The following LMO2 variants were observed in gnomAD, a reference collection of about 807,000 sequenced individuals.
LMO2 encodes the protein LIM domain only 2, also known as rhombotin-2.
Under a neutral mutation model 23.2 loss-of-function variants are expected in LMO2, and 20 were observed. The ratio of observed to expected loss-of-function variants is 0.86; its 90% CI spans 0.61 to 1.25. The LOEUF is 1.25. Among genes scored for constraint, LMO2 ranks in the 50% most tolerant of loss-of-function variants. The probability of loss-of-function intolerance (pLI) is 0.00; values close to 1 mark genes in which losing one functional copy is unlikely to be tolerated. For synonymous variants in LMO2, 123 were observed against 130.2 expected (o/e 0.94, Z 0.38); for missense variants, 270 against 315.3 (o/e 0.86, Z 1.09).
intron 2 of LMO2, among the ~76,000 whole-genome samples, chr11:33,874,829 A>G (rs1418415977): frequency 6.6e-6 from 1 of 152,226 alleles, no homozygotes; most frequent in Non-Finnish European, 1.5e-5. Flanking sequence ...CCCTGATTTC[A>G]TCTGATTTTC....
chr11:33,879,615 G>A (rs1284810413), intron 2 of LMO2, among the ~76,000 whole-genome samples: 1 of 152,040 alleles, frequency 6.6e-6, no homozygotes, highest in Non-Finnish European at 1.5e-5. Flanking sequence ...ACAGAGCCAA[G>A]ATCACGCTTC....
chr11:33,884,477 C>T (rs532142772), intron 1 of LMO2, among the ~76,000 whole-genome samples: 23 of 152,264 alleles, frequency 1.5e-4, no homozygotes, highest in African/African-American at 3.6e-4. Context: ...TGACATTTTG[C>T]TGGGAGCAAC....
At chr11:33,875,570 C>T (rs956733388) in intron 2 of LMO2, among the ~76,000 whole-genome samples, 1 of 129,294 alleles carries the variant, frequency 7.7e-6, no homozygotes, top group Non-Finnish European at 1.6e-5. Flanking sequence ...AAGAGCAAAA[C>T]TCCTTCTCAA....
chr11:33,872,707 G>A (rs1475178391), intron 2 of LMO2, among the ~76,000 whole-genome samples: 1 of 151,888 alleles, frequency 6.6e-6, no homozygotes, highest in Admixed American at 6.6e-5. Flanking sequence ...CCATTTTAAC[G>A]TTCATTATCG....
chr11:33,873,478 GT>G (rs1271550162), intron 2 of LMO2, among the ~76,000 whole-genome samples: 1 of 152,156 alleles, frequency 6.6e-6, no homozygotes, highest in Non-Finnish European at 1.5e-5. Context: ...CTCAAAATGT[GT>G]TTTTATTATG....
chr11:33,872,562 T>G (rs1450536655), intron 2 of LMO2, among the ~76,000 whole-genome samples: 2 of 152,296 alleles, frequency 1.3e-5, no homozygotes, highest in African/African-American at 4.8e-5. Context: ...GAAATTAAAT[T>G]TAAAGGTGAA....
chr11:33,874,094 C>T (rs954249177), intron 2 of LMO2, among the ~76,000 whole-genome samples: 1 of 151,900 alleles, frequency 6.6e-6, no homozygotes, highest in East Asian at 1.9e-4. Flanking sequence ...AAAATAAAGA[C>T]CTGTCTTAAT....
chr11:33,864,191 T>C lies in LMO2; in HGVS notation c.464+411A>G, dbSNP rs1302447861. On this transcript the variant is annotated intron_variant, in intron 5 of 5. Transcript: ENST00000257818. The surrounding 1 kb of genome is among the most constrained non-coding windows in gnomAD (Gnocchi z 4.8). Reference sequence around the variant, plus strand: ...ATACAAAAAAAATTTATAACATACATATATGTTCTGAAGCATTCAAATGAG... The same window carrying C: ...ATACAAAAAAAATTTATAACATACACATATGTTCTGAAGCATTCAAATGAG... Among the ~76,000 whole-genome samples, 1 of 152,152 alleles carries C rather than the reference T, an allele frequency of 6.6e-6. No homozygotes were observed. The highest frequency in any genetic ancestry group is 2.4e-5 in the African/African-American group (1 of 41,430).
chr11:33,868,886 G>A (rs1322727871), intron 4 of LMO2, among the ~76,000 whole-genome samples: 1 of 152,248 alleles, frequency 6.6e-6, no homozygotes. Context: ...GGACCGGGAA[G>A]GCGGCCGTTG....
chr11:33,886,923 T>C (rs1285971867), intron 1 of LMO2, among the ~76,000 whole-genome samples: 4 of 152,214 alleles, frequency 2.6e-5, no homozygotes, highest in African/African-American at 9.6e-5. Flanking sequence ...GGTAGAAACA[T>C]GTTGTCAGGG....
rs927508120 is a variant in LMO2 at position 33,858,808 on chromosome 11, C to G, written c.*548G>C. The G allele has an allele frequency of 8.9e-6, 2 of 225,756 alleles. No individual in the cohort carries two copies. The highest frequency in any genetic ancestry group is 4.4e-5 in the African/African-American group (2 of 45,034). 14.0% of individuals were successfully genotyped at this position (225,756 alleles called of 1,614,324 possible). On this transcript the variant is annotated 3_prime_UTR_variant, in exon 6 of 6. Transcript: ENST00000257818. ...TAAAAGTTGTGGTTTCCATTCTCAACCGAAATGCGTCTCCATGCAGTTTTC... is the reference window on the plus strand; with the variant it reads ...TAAAAGTTGTGGTTTCCATTCTCAAGCGAAATGCGTCTCCATGCAGTTTTC...
Position 33,880,288 on chromosome 11 carries a change from A to G in LMO2, c.-272+1536T>C, listed in dbSNP as rs886076795. On this transcript the variant is annotated intron_variant, in intron 2 of 5. Coordinates refer to ENST00000257818, the MANE Select transcript of LMO2 (RefSeq NM_005574.4). This position sits in a 1 kb window ranked among gnomAD's most constrained non-coding sequence, Gnocchi z 4.3. The stretch of plus-strand genomic sequence containing the variant: ...CATACATACACATGATATATATCAT[A>G]TATATCATATATATACATATCATAT... Among the ~76,000 whole-genome samples, 1 of 149,214 alleles carries G rather than the reference A, an allele frequency of 6.7e-6. No individual in the cohort carries two copies. Among genetic ancestry groups the G allele is most frequent in the Non-Finnish European group, 1.5e-5 (1 of 67,508 alleles).
In LMO2 at chr11:33,890,693, G is replaced by A. The variant is rs185381620; in HGVS notation, c.-336+1102C>T. On this transcript the variant is annotated intron_variant, in intron 1 of 5. Coordinates refer to ENST00000257818, the MANE Select transcript of LMO2 (RefSeq NM_005574.4). ...ACCTAGAGGTGAGTAATTATAATAAGTGATATTATTATTATTATTACTCTT... is the reference window on the plus strand; with the variant it reads ...ACCTAGAGGTGAGTAATTATAATAAATGATATTATTATTATTATTACTCTT... 1.7e-3 allele frequency among the ~76,000 whole-genome samples: 264 copies of A among 152,222 alleles called. 2 individuals carry two copies. The highest frequency in any genetic ancestry group is 6.0e-3 in the African/African-American group (249 of 41,534).
chr11:33,869,775 C>T lies in LMO2; in HGVS notation c.-59G>A. On this transcript the variant is annotated 5_prime_UTR_variant, in exon 3 of 6. Transcript: ENST00000257818. ...TCGCGCGCTGTCGCCGGCTCCGCGC[C>T]GCCCGCGGGGATGGTGTGCGCCCGC... 5 of 1,172,348 alleles carry T rather than the reference C, an allele frequency of 4.3e-6. No homozygotes were observed. The highest frequency in any genetic ancestry group is 5.3e-6 in the Non-Finnish European group (5 of 948,858). 72.6% of individuals were successfully genotyped at this position (1,172,348 alleles called of 1,614,324 possible).
At chr11:33,888,448 T>C (rs1857465570) in intron 1 of LMO2, among the ~76,000 whole-genome samples, 2 of 152,178 alleles carry the variant, frequency 1.3e-5, no homozygotes, top group South Asian at 4.1e-4. Context: ...CATCTCTGTG[T>C]CCCCTTCTCT....
chr11:33,888,715 T>C (rs926364302), intron 1 of LMO2, among the ~76,000 whole-genome samples: 1 of 152,228 alleles, frequency 6.6e-6, no homozygotes, highest in Non-Finnish European at 1.5e-5. Context: ...ATACTATATG[T>C]GTACTTGCTT....
At position 33,891,831 on chromosome 11, in the gene LMO2, G is replaced by A. The variant is rs1457772664; in HGVS notation, c.-372C>T. ...GTAATCCTGGTGGCTTCCCCCATCA[G>A]ATCTAGGCTGCCTGCCCCACGGATA... is the stretch of plus-strand genomic sequence containing the variant. On this transcript the variant is annotated 5_prime_UTR_variant, in exon 1 of 6. Transcript: ENST00000257818. 1 of 152,180 alleles carries A rather than the reference G, an allele frequency of 6.6e-6. No homozygotes were observed. The highest frequency in any genetic ancestry group is 1.5e-5 in the Non-Finnish European group (1 of 68,078). The allele number at this position is 152,180 out of a possible 1,614,324, so 9.4% of individuals were successfully genotyped here.
chr11:33,874,769 A>AGCTTCTCT (rs1009290457), intron 2 of LMO2, among the ~76,000 whole-genome samples: 5 of 152,248 alleles, frequency 3.3e-5, no homozygotes, highest in Non-Finnish European at 7.3e-5. Flanking sequence ...GGCTGCTGAC[A>AGCTTCTCT]GCTTCTCTGC....
Position 33,869,335 on chromosome 11 carries a change from G to T in LMO2, c.248+11C>A. The T allele has an allele frequency of 8.4e-7, 1 of 1,192,650 alleles. No homozygotes were observed. Among genetic ancestry groups the T allele is most frequent in the Non-Finnish European group, 1.0e-6 (1 of 953,832 alleles). The allele number at this position is 1,192,650 out of a possible 1,614,324, so 73.9% of individuals were successfully genotyped here. Reference sequence around the variant, plus strand: ...CACCGGGGGTGGCAGGGGCAGGGGGGCCGCACTTACTCTGAAGGGTCCAGG... The same window carrying T: ...CACCGGGGGTGGCAGGGGCAGGGGGTCCGCACTTACTCTGAAGGGTCCAGG... On this transcript the variant is annotated intron_variant, in intron 4 of 5. Coordinates refer to ENST00000257818, the MANE Select transcript of LMO2 (RefSeq NM_005574.4).
Sources: gnomAD v4.1 joint callset for allele counts (sites outside exome capture counted in the v4.1 genomes callset) on GRCh38, gnomAD v4.1.1 for gene constraint, Gnocchi (gnomAD v3.1) non-coding constraint, MANE v1.5 for transcripts, NCBI Gene and HGNC (gene_info 2026-07-23, HGNC 2026-07-21) for gene names.